The following SUSD1 variants were observed in gnomAD, a reference collection of about 807,000 sequenced individuals.
SUSD1 encodes the protein sushi domain containing 1, also known as sushi domain-containing protein 1.
A neutral mutation model predicts 86.9 loss-of-function variants in SUSD1; 65 were observed. The ratio of observed to expected loss-of-function variants is 0.75; its 90% confidence interval spans 0.61 to 0.92. SUSD1 has a LOEUF of 0.92. Ranked by LOEUF, SUSD1 falls within the 40% of genes least tolerant of loss-of-function variation. SUSD1 has a pLI of 0.00. For synonymous variants in SUSD1, 346 were observed against 350.0 expected, an observed-to-expected ratio of 0.99 and a Z score of 0.13; for missense variants, 850 against 929.7, an observed-to-expected ratio of 0.91 and a Z score of 1.11.
intron 15 of SUSD1, among the ~76,000 whole-genome samples, chr9:112,045,211 G>A (rs922131114): frequency 1.3e-5 from 2 of 152,174 alleles, no homozygotes; most frequent in Non-Finnish European, 2.9e-5. Flanking sequence ...GTACTTTACT[G>A]CACTGGCATT....
chr9:112,047,151 G>C (rs972605879), intron 15 of SUSD1, among the ~76,000 whole-genome samples: 2 of 152,136 alleles, frequency 1.3e-5, no homozygotes, highest in African/African-American at 4.8e-5. Flanking sequence ...CCCAAGAAAT[G>C]TACCATCAAG....
intron 5 of SUSD1, among the ~76,000 whole-genome samples, chr9:112,130,690 G>A (rs1230891255): frequency 2.0e-5 from 3 of 152,062 alleles, no homozygotes; most frequent in Admixed American, 2.0e-4. Context: ...ACACAAGGTA[G>A]TCTACCAGAT....
intron 14 of SUSD1, among the ~76,000 whole-genome samples, chr9:112,055,837 A>G (rs917655067): frequency 6.6e-6 from 1 of 152,240 alleles, no homozygotes; most frequent in African/African-American, 2.4e-5. Flanking sequence ...AAAAGGAAGG[A>G]AATTCTGACA....
At chr9:112,076,499 G>A (rs1407409000) in intron 12 of SUSD1, among the ~76,000 whole-genome samples, 6 of 152,202 alleles carry the variant, frequency 3.9e-5, no homozygotes, top group Admixed American at 3.9e-4. Context: ...AGAAGCCTGG[G>A]TGGAAACCGA....
intron 12 of SUSD1, among the ~76,000 whole-genome samples, chr9:112,067,790 A>G (rs1829054679): frequency 6.6e-6 from 1 of 152,064 alleles, no homozygotes; most frequent in Admixed American, 6.6e-5. Context: ...TATTAAAAAC[A>G]TATGTATGAA....
At chr9:112,079,282 G>T (rs1045132256) in intron 11 of SUSD1, among the ~76,000 whole-genome samples, 20 of 152,006 alleles carry the variant, frequency 1.3e-4, no homozygotes, top group Non-Finnish European at 1.9e-4. Flanking sequence ...CACACAAAAG[G>T]CTAAGGTCCC....
Position 112,146,685 on chromosome 9 carries a change from G to T in SUSD1, c.373+2559C>A, listed in dbSNP as rs1432322769. Among the ~76,000 whole-genome samples the T allele has an allele frequency of 2.6e-5, 4 of 151,582 alleles. No homozygotes were observed. In the East Asian group the frequency reaches 7.7e-4, roughly 29 times the overall value. On this transcript the variant is annotated intron_variant, in intron 3 of 16. Coordinates refer to ENST00000374270, the MANE Select transcript of SUSD1 (RefSeq NM_022486.5). ...AAGTCTCGCTCTGTCACCCAGGCTG[G>T]AGTGCAATGGCACAACCTTGGCTCA...
At chr9:112,115,824 G>GAAAAAAA (rs58111856) in intron 6 of SUSD1, among the ~76,000 whole-genome samples, 1 of 120,954 alleles carries the variant, frequency 8.3e-6, no homozygotes, top group African/African-American at 3.1e-5. Context: ...AAAAAAAAAA[G>GAAAAAAA]AAAAAAAAAA....
At chr9:112,075,445 G>A (rs1829475187) in intron 12 of SUSD1, among the ~76,000 whole-genome samples, 1 of 152,198 alleles carries the variant, frequency 6.6e-6, no homozygotes, top group Non-Finnish European at 1.5e-5. Context: ...ACAAGCTCTA[G>A]GCTGGGCACA....
chr9:112,165,945 G>GAAAC, intron 1 of SUSD1, among the ~76,000 whole-genome samples: 1 of 133,704 alleles, frequency 7.5e-6, no homozygotes, highest in African/African-American at 3.0e-5. Context: ...AAAGAAAGAA[G>GAAAC]AAAGAAAGAA....
intron 5 of SUSD1, among the ~76,000 whole-genome samples, chr9:112,139,955 G>A (rs1832485285): frequency 6.6e-6 from 1 of 152,108 alleles, no homozygotes; most frequent in Non-Finnish European, 1.5e-5. Flanking sequence ...GTCAAGTGTG[G>A]TGGCTCATGC....
chr9:112,069,838 T>TC (rs1002316969), intron 12 of SUSD1, among the ~76,000 whole-genome samples: 3 of 151,422 alleles, frequency 2.0e-5, no homozygotes, highest in African/African-American at 7.3e-5. Flanking sequence ...AGGAAGGCCA[T>TC]CCCCCTGCTT....
chr9:112,126,116 C>T (rs1257479782), intron 5 of SUSD1, among the ~76,000 whole-genome samples: 1 of 152,180 alleles, frequency 6.6e-6, no homozygotes, highest in East Asian at 1.9e-4. Context: ...AAGCAACCAA[C>T]CAAAGAGATG....
chr9:112,085,933 A>AAAAAT, intron 10 of SUSD1, among the ~76,000 whole-genome samples: 1 of 152,278 alleles, frequency 6.6e-6, no homozygotes, highest in South Asian at 2.1e-4. Flanking sequence ...ACCCTGTCTC[A>AAAAAT]AAAATAAAAT....
intron 5 of SUSD1, among the ~76,000 whole-genome samples, chr9:112,134,796 G>A (rs888489473): frequency 6.6e-6 from 1 of 151,784 alleles, no homozygotes; most frequent in East Asian, 1.9e-4. Flanking sequence ...GGCCAGGCAC[G>A]GTGGCTCACC....
At chr9:112,098,338 C>A in intron 10 of SUSD1, 132 bp downstream of exon 10, 1 of 873,664 alleles carries the variant, frequency 1.1e-6, no homozygotes, top group Non-Finnish European at 1.8e-6. Flanking sequence ...CCAGACGCAG[C>A]TAACAAAGTT....
At chr9:112,089,811 C>CAAAAAAAAAA (rs3983407) in intron 10 of SUSD1, among the ~76,000 whole-genome samples, 42 of 115,752 alleles carry the variant, frequency 3.6e-4, no homozygotes, top group South Asian at 8.4e-4. Flanking sequence ...GATTCCATCT[C>CAAAAAAAAAA]AAAAAAAAAA....
At chr9:112,140,947 T>C (rs1347096738) in intron 5 of SUSD1, among the ~76,000 whole-genome samples, 2 of 152,212 alleles carry the variant, frequency 1.3e-5, no homozygotes, top group African/African-American at 4.8e-5. Flanking sequence ...AGTACTTATA[T>C]ATCTAAATAT....
At chr9:112,154,918 G>C (rs1833227013) in intron 2 of SUSD1, among the ~76,000 whole-genome samples, 1 of 152,078 alleles carries the variant, frequency 6.6e-6, no homozygotes, top group South Asian at 2.1e-4. Flanking sequence ...AATTAATAAA[G>C]CCCTTTCTGC....
Sources: gnomAD v4.1 joint callset for allele counts (sites outside exome capture counted in the v4.1 genomes callset) on GRCh38, gnomAD v4.1.1 for gene constraint, MANE v1.5 for transcripts, NCBI Gene and HGNC (gene_info 2026-07-23, HGNC 2026-07-21) for gene names.